Variants in TMEM43 observed in about 807,000 individuals in gnomAD.
The protein encoded by TMEM43 is arrhythmogenic right ventricular dysplasia 5.
A neutral mutation model predicts 49.6 loss-of-function variants in TMEM43; 45 were observed. That is an observed-to-expected ratio of 0.91 (90% CI 0.71 to 1.16). The LOEUF is 1.16. Among genes scored for constraint, TMEM43 ranks in the 50% most tolerant of loss-of-function variants. TMEM43 has a pLI of 0.00. For missense variants in TMEM43, 532 were observed against 516.6 expected (o/e 1.03, Z -0.29); for synonymous variants, 199 against 207.8 (o/e 0.96, Z 0.36).
At chr3:14,138,424 T>C (rs934091865) in intron 10 of TMEM43, among the ~76,000 whole-genome samples, 19 of 151,974 alleles carry the variant, frequency 1.3e-4, no homozygotes, top group Non-Finnish European at 2.1e-4. Context: ...CTCGGGAATA[T>C]GTGGCCTGGA....
rs74835452 is a variant in TMEM43 at position 14,135,270 on chromosome 3, C to T, written c.780+38C>T. 1.2e-5 allele frequency: 18 copies of T among 1,555,092 alleles called. No individual in the cohort carries two copies. In the East Asian group the frequency reaches 3.6e-4, roughly 31 times the overall value. On this transcript the variant is annotated intron_variant, in intron 9 of 11. Coordinates refer to ENST00000306077, the MANE Select transcript of TMEM43 (RefSeq NM_024334.3). ...CCCAGGGGCAGACACTAAGTCAGAGCCTCACGACTTTCCTGGACACAGACA... is the reference window on the plus strand; with the variant it reads ...CCCAGGGGCAGACACTAAGTCAGAGTCTCACGACTTTCCTGGACACAGACA...
intron 8 of TMEM43, 35 bp from the exon 9 acceptor site, chr3:14,135,123 G>T: frequency 6.3e-7 from 1 of 1,597,326 alleles, no homozygotes; most frequent in Non-Finnish European, 8.6e-7. Flanking sequence ...CAGCTACTCC[G>T]TTCCTCACTC....
chr3:14,141,786 G>T lies in TMEM43; in HGVS notation c.1194G>T (p.Lys398Asn). 6.2e-7 allele frequency: 1 copy of T among 1,613,476 alleles called. No homozygotes were observed. The highest frequency in any genetic ancestry group is 8.5e-7 in the Non-Finnish European group (1 of 1,179,994). Residue 398 changes from lysine (K) to asparagine (N), a missense_variant, in exon 12 of 12, where the codon AAG becomes AAT. Transcript: ENST00000306077. Reference protein sequence around the residue: ...LVARTRVPAKKLE With the variant: ...LVARTRVPAKNLE Reference sequence around the variant, plus strand: ...CTCGGACACGGGTGCCAGCCAAAAAGTTGGAGTGAAAAGACCCTGGCACCC... The same window carrying T: ...CTCGGACACGGGTGCCAGCCAAAAATTTGGAGTGAAAAGACCCTGGCACCC...
intron 6 of TMEM43, 102 bp downstream of exon 6, chr3:14,133,037 C>A (rs773242841): frequency 1.6e-5 from 17 of 1,042,910 alleles, no homozygotes; most frequent in Non-Finnish European, 2.4e-5. Flanking sequence ...AATCCTGCCT[C>A]GTGGGTTGAA....
intron 1 of TMEM43, among the ~76,000 whole-genome samples, chr3:14,128,034 C>G (rs905901086): frequency 5.9e-5 from 9 of 152,152 alleles, no homozygotes; most frequent in Non-Finnish European, 1.5e-5. Flanking sequence ...GCTTACCACG[C>G]CCTAGGCCCT....
intron 9 of TMEM43, 143 bp downstream of exon 9, chr3:14,135,375 C>T (rs554016015): frequency 1.6e-5 from 12 of 745,354 alleles, no homozygotes; most frequent in African/African-American, 3.4e-5. Flanking sequence ...CAGCCAGGCA[C>T]GCTTCTGAGC....
At chr3:14,135,784 C>T in intron 9 of TMEM43, 23 bp from the exon 10 acceptor site, 1 of 1,608,656 alleles carries the variant, frequency 6.2e-7, no homozygotes, top group Non-Finnish European at 8.5e-7. Flanking sequence ...CCCCTCAGCT[C>T]TAACACCAGG....
In TMEM43 at chr3:14,141,716, G is replaced by T; in HGVS notation, c.1124G>T (p.Trp375Leu). The change falls in exon 12 of 12, where the codon TGG (tryptophan) becomes TTG (leucine). Residue 375 changes from tryptophan (W) to leucine (L), a missense_variant. Physicochemically the swap from Trp to Leu is moderately conservative, Grantham distance 61 (BLOSUM62 -2). Coordinates refer to ENST00000306077, the MANE Select transcript of TMEM43 (RefSeq NM_024334.3). Reference sequence around the variant, plus strand: ...GGCTGGCTCTTCTACCGACCCCTGTGGGCCCTCCTCATTGCCGGCCTGGCC... The same window carrying T: ...GGCTGGCTCTTCTACCGACCCCTGTTGGCCCTCCTCATTGCCGGCCTGGCC... Reference protein sequence around the residue: ...AAGWLFYRPLWALLIAGLALV... With the variant: ...AAGWLFYRPLLALLIAGLALV... 4 of 1,614,156 alleles carry T rather than the reference G, an allele frequency of 2.5e-6. No individual in the cohort carries two copies. The highest frequency in any genetic ancestry group is 3.4e-6 in the Non-Finnish European group (4 of 1,180,026).
chr3:14,135,718 C>A, intron 9 of TMEM43, 89 bp from the exon 10 acceptor site: 1 of 1,118,928 alleles, frequency 8.9e-7, no homozygotes, highest in Non-Finnish European at 1.3e-6. Context: ...CCCCAGCCGG[C>A]ACCCAGTCCC....
chr3:14,132,918 T>C lies in TMEM43; in HGVS notation c.495T>C (p.Ile165=). Residue 165 remains isoleucine, a synonymous_variant, in exon 6 of 12, where the codon ATT becomes ATC. Coordinates refer to ENST00000306077, the MANE Select transcript of TMEM43 (RefSeq NM_024334.3). ...IINSKNFDRE[I]GHKNPSAMAV... Reference sequence around the variant, plus strand: ...ACAGCAAAAACTTCGACCGAGAGATTGGCCACAAAAACCCCAGGTGAGAGC... The same window carrying C: ...ACAGCAAAAACTTCGACCGAGAGATCGGCCACAAAAACCCCAGGTGAGAGC... 1 of 1,613,866 alleles carries C rather than the reference T, an allele frequency of 6.2e-7. No individual in the cohort carries two copies. The highest frequency in any genetic ancestry group is 8.5e-7 in the Non-Finnish European group (1 of 1,179,878).
In TMEM43 at chr3:14,143,651, A is replaced by G. The variant is rs775889525; in HGVS notation, c.*1856A>G. ...TTGTAATATCATTGTATTTTTTATT[A>G]AAAGTTTTGTAATAAATTTCTAAAT... On this transcript the variant is annotated 3_prime_UTR_variant, in exon 12 of 12. Coordinates refer to ENST00000306077, the MANE Select transcript of TMEM43 (RefSeq NM_024334.3). 27 of 152,214 alleles carry G rather than the reference A, an allele frequency of 1.8e-4. No homozygotes were observed. Among genetic ancestry groups the G allele is most frequent in the Admixed American group, 1.0e-3 (16 of 15,274 alleles). 9.4% of individuals were successfully genotyped at this position (152,214 alleles called of 1,614,324 possible).
intron 1 of TMEM43, among the ~76,000 whole-genome samples, chr3:14,126,638 G>C (rs1695025273): frequency 6.6e-6 from 1 of 152,202 alleles, no homozygotes; most frequent in Non-Finnish European, 1.5e-5. Context: ...CTTAATACTT[G>C]AAAACAAGCC....
At chr3:14,135,309 C>A in intron 9 of TMEM43, 77 bp downstream of exon 9, 2 of 1,269,800 alleles carry the variant, frequency 1.6e-6, no homozygotes, top group East Asian at 2.4e-5. Context: ...TGGTCAATGT[C>A]AGGAGCGCTT....
At chr3:14,138,916 G>T (rs575421687) in intron 10 of TMEM43, among the ~76,000 whole-genome samples, 14 of 152,334 alleles carry the variant, frequency 9.2e-5, no homozygotes, top group African/African-American at 3.4e-4. Context: ...TTCCAGGTGA[G>T]ACCGTGGGCT....
At chr3:14,129,680 G>A (rs1695067410) in intron 2 of TMEM43, 119 bp downstream of exon 2, 1 of 1,087,530 alleles carries the variant, frequency 9.2e-7, no homozygotes, top group South Asian at 1.3e-5. Context: ...AAAGAGAAAG[G>A]AGGATACTGA....
At chr3:14,132,031 G>T (rs1048790283) in intron 4 of TMEM43, among the ~76,000 whole-genome samples, 1 of 149,500 alleles carries the variant, frequency 6.7e-6, no homozygotes, top group Admixed American at 6.7e-5. Flanking sequence ...CCCATCAGCT[G>T]TGTTGGTCCC....
chr3:14,127,686 A>G (rs1695037837), intron 1 of TMEM43, among the ~76,000 whole-genome samples: 1 of 152,194 alleles, frequency 6.6e-6, no homozygotes, highest in South Asian at 2.1e-4. Context: ...CATTGTCATC[A>G]TTGTGATGGT....
At chr3:14,129,098 C>A in intron 1 of TMEM43, 2 of 406,358 alleles carry the variant, frequency 4.9e-6, no homozygotes, top group Non-Finnish European at 4.8e-6. Flanking sequence ...AGGAGAAATT[C>A]AAATTCAGAT....
chr3:14,131,835 T>G (rs1005574131), intron 4 of TMEM43, among the ~76,000 whole-genome samples, 161 bp downstream of exon 4: 4 of 152,182 alleles, frequency 2.6e-5, no homozygotes, highest in African/African-American at 9.7e-5. Flanking sequence ...TAGCCAGTGA[T>G]TTGGAAGTGG....
Sources: gnomAD v4.1 joint callset for allele counts (sites outside exome capture counted in the v4.1 genomes callset) on GRCh38, gnomAD v4.1.1 for gene constraint, MANE v1.5 for transcripts, NCBI Gene and HGNC (gene_info 2026-07-23, HGNC 2026-07-21) for gene names.